The following PPIE variants were observed in gnomAD, a reference collection of about 807,000 sequenced individuals.
The protein encoded by PPIE is peptidylprolyl isomerase E.
In PPIE, 20 loss-of-function variants were observed where a neutral mutation model predicts 38.4. That is an observed-to-expected ratio of 0.52 (90% CI 0.37 to 0.76). The LOEUF is 0.76. Ranked by LOEUF, PPIE falls within the 30% of genes least tolerant of loss-of-function variation. PPIE has a pLI of 0.00. For synonymous variants in PPIE, 142 were observed against 135.7 expected, an observed-to-expected ratio of 1.05 and a Z score of -0.32; for missense variants, 322 against 385.8, an observed-to-expected ratio of 0.83 and a Z score of 1.39.
intron 8 of PPIE, among the ~76,000 whole-genome samples, chr1:39,750,921 G>A (rs1303451187): frequency 2.0e-5 from 3 of 152,202 alleles, no homozygotes; most frequent in African/African-American, 7.2e-5. Context: ...TTAAAAATCA[G>A]TATTCATCTG....
At position 39,755,529 on chromosome 1, in the gene PPIE, C is replaced by T. The variant is rs1648174338; in HGVS notation, c.*2174C>T. ...TTCTCTGAGTGCAAATAATGGCCAT[C>T]AGAGGTCAGTCACAGGTGTTAGGCA... On this transcript the variant is annotated 3_prime_UTR_variant, in exon 10 of 10. Coordinates refer to ENST00000324379, the MANE Select transcript of PPIE (RefSeq NM_006112.4). 1 of 985,290 alleles carries T rather than the reference C, an allele frequency of 1.0e-6. No homozygotes were observed. Among genetic ancestry groups the T allele is most frequent in the African/African-American group, 1.7e-5 (1 of 57,228 alleles). The allele number at this position is 985,290 out of a possible 1,614,324, so 61.0% of individuals were successfully genotyped here.
In PPIE at chr1:39,756,450, G is replaced by A. The variant is rs1410788920; in HGVS notation, c.*3095G>A. ...CAAAGGCTGAAACCAGGGATGGCAG[G>A]CCCAGGATCAGTGCTGTGGCTGTTG... On this transcript the variant is annotated 3_prime_UTR_variant, in exon 10 of 10. Transcript: ENST00000324379. 3.0e-6 allele frequency: 3 copies of A among 985,280 alleles called. No homozygotes were observed. The highest frequency in any genetic ancestry group is 1.7e-5 in the African/African-American group (1 of 57,228). 61.0% of individuals were successfully genotyped at this position (985,280 alleles called of 1,614,324 possible). A position where few individuals can be genotyped will look rare whatever the true frequency, so the allele number is the denominator to read the frequency against.
chr1:39,744,218 C>T (rs546458024), intron 6 of PPIE, among the ~76,000 whole-genome samples: 1 of 152,310 alleles, frequency 6.6e-6, no homozygotes, highest in South Asian at 2.1e-4. Flanking sequence ...AGGGAGGAAG[C>T]TGAGGTGCCC....
intron 9 of PPIE, chr1:39,762,798 G>A (rs556705588): frequency 5.0e-5 from 62 of 1,230,294 alleles, no homozygotes; most frequent in Non-Finnish European, 6.2e-5. Flanking sequence ...GCCTCTGAGC[G>A]CTGCACACAG....
intron 9 of PPIE, chr1:39,763,076 T>C (rs1306785176): frequency 6.2e-7 from 1 of 1,611,740 alleles, no homozygotes; most frequent in Non-Finnish European, 8.5e-7. Flanking sequence ...CTGGGCAGGA[T>C]GGGCATGGTA....
intron 2 of PPIE, among the ~76,000 whole-genome samples, chr1:39,741,015 C>A (rs142826449): frequency 1.3e-5 from 2 of 152,074 alleles, no homozygotes; most frequent in Non-Finnish European, 2.9e-5. Flanking sequence ...ACAGTTGATG[C>A]GCAAAATATA....
intron 8 of PPIE, among the ~76,000 whole-genome samples, chr1:39,750,670 G>T (rs975083953): frequency 1.3e-5 from 2 of 152,132 alleles, no homozygotes; most frequent in African/African-American, 4.8e-5. Flanking sequence ...TTCTTCACTT[G>T]GCTGGCAGGA....
chr1:39,760,558 A>G, downstream of PPIE: 2 of 1,613,794 alleles, frequency 1.2e-6, no homozygotes, highest in Middle Eastern at 1.7e-4. Context: ...GTCTGGCATC[A>G]TCAGGTGCAC....
chr1:39,743,757 C>G (rs747963617), intron 5 of PPIE, 67 bp from the exon 6 acceptor site: 2 of 1,343,688 alleles, frequency 1.5e-6, no homozygotes, highest in Non-Finnish European at 2.1e-6. Context: ...CTTTGCTGAC[C>G]AAAGCAGCTA....
In PPIE at chr1:39,763,683, T is replaced by G. The variant is rs1649355956; in HGVS notation, c.838-6T>G. The G allele has an allele frequency of 3.8e-6, 6 of 1,581,038 alleles. 2 individuals carry two copies. Among genetic ancestry groups the G allele is most frequent in the Non-Finnish European group, 5.2e-6 (6 of 1,157,484 alleles). On this transcript the variant is annotated splice_polypyrimidine_tract_variant and splice_region_variant and intron_variant, in intron 9 of 9. Transcript: ENST00000356511. ...TCTGATCTACAGGTGGTGATTGTCA[T>G]TTCAGAAACAAGAAGAGTCAGCAAT...
chr1:39,757,100 A>G (rs1648358514), downstream of PPIE: 1 of 152,230 alleles, frequency 6.6e-6, no homozygotes, highest in Non-Finnish European at 1.5e-5. Flanking sequence ...AGGCTATAAG[A>G]ATACAAGTCC....
intron 2 of PPIE, 108 bp downstream of exon 2, chr1:39,740,371 A>G: frequency 4.8e-6 from 4 of 836,444 alleles, no homozygotes; most frequent in South Asian, 1.7e-5. Flanking sequence ...GTTAGTATAC[A>G]CTACAGGTAA....
intron 8 of PPIE, among the ~76,000 whole-genome samples, chr1:39,749,669 A>T (rs896856848): frequency 6.6e-6 from 1 of 152,054 alleles, no homozygotes; most frequent in Non-Finnish European, 1.5e-5. Flanking sequence ...ATTACAGGGG[A>T]TGAGCTGTCT....
In PPIE at chr1:39,743,893, G is replaced by C. The variant is rs376529925; in HGVS notation, c.353G>C (p.Gly118Ala). Residue 118 changes from glycine to alanine, a missense_variant, in exon 6 of 10, where the codon GGG becomes GCG. Physicochemically the swap from Gly to Ala is moderately conservative, Grantham distance 60. Coordinates refer to ENST00000324379, the MANE Select transcript of PPIE (RefSeq NM_006112.4). ...CTTGAAGAGAATAAAGAGGAAGAAG[G>C]GTCAGAGCCTCCCAAAGCAGAGACC... is the stretch of plus-strand genomic sequence containing the variant. ...KTLEENKEEE[G>A]SEPPKAETQE... is the part of the protein sequence containing the mutation. 1 of 1,613,522 alleles carries C rather than the reference G, an allele frequency of 6.2e-7. No homozygotes were observed. Among genetic ancestry groups the C allele is most frequent in the African/African-American group, 1.3e-5 (1 of 74,902 alleles).
intron 1 of PPIE, 100 bp from the exon 2 acceptor site, chr1:39,740,065 G>A: frequency 2.5e-6 from 2 of 810,148 alleles, no homozygotes; most frequent in Non-Finnish European, 4.1e-6. Flanking sequence ...AGAACTGAAT[G>A]GAAGGGTCCT....
At position 39,754,577 on chromosome 1, in the gene PPIE, T is replaced by C. The variant is rs1459088975; in HGVS notation, c.*1222T>C. Among the ~76,000 whole-genome samples, 1 of 152,144 alleles carries C rather than the reference T, an allele frequency of 6.6e-6. No homozygotes were observed. The highest frequency in any genetic ancestry group is 6.5e-5 in the Admixed American group (1 of 15,276). On this transcript the variant is annotated 3_prime_UTR_variant, in exon 10 of 10. Transcript: ENST00000324379. Reference sequence around the variant, plus strand: ...CTTAAATATTAATCCATCTAAAAAATAGGCCAGGCATGGTGGCTCATGCCT... The same window carrying C: ...CTTAAATATTAATCCATCTAAAAAACAGGCCAGGCATGGTGGCTCATGCCT...
chr1:39,748,832 CAA>C (rs763558988), intron 7 of PPIE, 69 bp from the exon 8 acceptor site: 69 of 1,454,152 alleles, frequency 4.7e-5, no homozygotes, highest in Non-Finnish European at 6.3e-5. Flanking sequence ...AACACTAAAC[CAA>C]AGTTTTTTCG....
chr1:39,753,930 C>T lies in PPIE; in HGVS notation c.*575C>T, dbSNP rs1048956083. ...AAGCTCCGGTCTTCTGCTGCCTCTG[C>T]TCCTAAACCCAGCTGCCGGCCTTAC... On this transcript the variant is annotated 3_prime_UTR_variant, in exon 10 of 10. Transcript: ENST00000324379. The T allele has an allele frequency of 1.0e-6, 1 of 984,068 alleles. No individual in the cohort carries two copies. The highest frequency in any genetic ancestry group is 1.7e-5 in the African/African-American group (1 of 57,222). 61.0% of individuals were successfully genotyped at this position (984,068 alleles called of 1,614,324 possible).
At position 39,749,101 on chromosome 1, in the gene PPIE, T is replaced by C; in HGVS notation, c.694+13T>C. ...CATACGGGACCAGGTAGGAGCCAGT[T>C]GGCATGTGGTGACGAGGGAGGCTGG... On this transcript the variant is annotated intron_variant, in intron 8 of 9. Coordinates refer to ENST00000324379, the MANE Select transcript of PPIE (RefSeq NM_006112.4). 1 of 1,571,470 alleles carries C rather than the reference T, an allele frequency of 6.4e-7. No individual in the cohort carries two copies. The highest frequency in any genetic ancestry group is 1.2e-5 in the South Asian group (1 of 82,986).
Sources: gnomAD v4.1 joint callset for allele counts (sites outside exome capture counted in the v4.1 genomes callset) on GRCh38, gnomAD v4.1.1 for gene constraint, MANE v1.5 for transcripts, NCBI Gene and HGNC (gene_info 2026-07-23, HGNC 2026-07-21) for gene names.